The following KAZN variants were observed in gnomAD, a reference collection of about 807,000 sequenced individuals.
KAZN encodes the protein kazrin.
A neutral mutation model predicts 87.4 loss-of-function variants in KAZN; 40 were observed. The observed-to-expected ratio is 0.46, with a 90% CI of 0.36 to 0.60. The LOEUF (loss-of-function observed/expected upper bound fraction) is 0.60, where lower values mean the gene tolerates loss of function less well. Ranked by LOEUF, KAZN falls within the 20% of genes least tolerant of loss-of-function variation. The pLI is 0.00. For missense variants in KAZN, 898 were observed against 1,073.9 expected (o/e 0.84, Z 2.29); for synonymous variants, 466 against 458.3 (o/e 1.02, Z -0.22).
At chr1:15,102,615 G>C (rs1641116226) in intron 11 of KAZN, among the ~76,000 whole-genome samples, 1 of 152,126 alleles carries the variant, frequency 6.6e-6, no homozygotes, top group Admixed American at 6.5e-5. Context: ...ACAGAAGAGG[G>C]GGCCATCCAG....
At chr1:15,041,761 A>C (rs1573152678) in intron 3 of KAZN, among the ~76,000 whole-genome samples, 2 of 148,262 alleles carry the variant, frequency 1.3e-5, no homozygotes, top group African/African-American at 2.5e-5. Context: ...AATTCCCACC[A>C]CCCCCAACCC....
intron 2 of KAZN, among the ~76,000 whole-genome samples, chr1:14,471,756 G>A (rs1267737586): frequency 6.6e-6 from 1 of 152,182 alleles, no homozygotes; most frequent in Non-Finnish European, 1.5e-5. Flanking sequence ...TAGGAAGAGA[G>A]AGCTAGGAGG....
At chr1:14,274,388 C>T (rs566217833) in intron 2 of KAZN, among the ~76,000 whole-genome samples, 79 of 152,234 alleles carry the variant, frequency 5.2e-4, no homozygotes, top group African/African-American at 1.6e-3. Context: ...CACCATGTTT[C>T]GCATGCAAAG....
At chr1:14,880,802 TG>T (rs1653258271) in intron 1 of KAZN, among the ~76,000 whole-genome samples, 1 of 152,168 alleles carries the variant, frequency 6.6e-6, no homozygotes, top group African/African-American at 2.4e-5. Context: ...AACCAGAAAC[TG>T]CAGGCCTTTG....
intron 1 of KAZN, among the ~76,000 whole-genome samples, chr1:14,110,477 C>T (rs911601169): frequency 6.6e-6 from 1 of 152,228 alleles, no homozygotes; most frequent in Non-Finnish European, 1.5e-5. Context: ...GGGTGTGACC[C>T]ATACAACTTA....
intron 1 of KAZN, among the ~76,000 whole-genome samples, chr1:14,772,325 A>C (rs756550528): frequency 2.0e-5 from 3 of 152,218 alleles, no homozygotes; most frequent in Non-Finnish European, 4.4e-5. Flanking sequence ...CTCTATAAAA[A>C]ATTTAACAAT....
At chr1:14,798,530 G>C (rs1038911101) in intron 1 of KAZN, among the ~76,000 whole-genome samples, 11 of 127,924 alleles carry the variant, frequency 8.6e-5, no homozygotes, top group Admixed American at 8.4e-4. Context: ...CACTTCCCAG[G>C]TTCACGCCAT....
chr1:14,901,579 CA>C (rs1655914593), intron 1 of KAZN, among the ~76,000 whole-genome samples: 1 of 152,110 alleles, frequency 6.6e-6, no homozygotes, highest in Non-Finnish European at 1.5e-5. Context: ...TGTGATCGTC[CA>C]GGGGAGAGAT....
At chr1:13,920,192 G>A (rs1052296332) in intron 1 of KAZN, among the ~76,000 whole-genome samples, 11 of 147,352 alleles carry the variant, frequency 7.5e-5, no homozygotes, top group Non-Finnish European at 1.3e-4. Flanking sequence ...GGAGGTTGCA[G>A]TGAGCTGAGA....
chr1:14,231,913 C>T (rs1293961011), intron 2 of KAZN, among the ~76,000 whole-genome samples: 3 of 152,158 alleles, frequency 2.0e-5, no homozygotes, highest in African/African-American at 7.2e-5. Context: ...CCTGGAGATA[C>T]TACAGTCTTC....
chr1:14,147,548 C>T (rs1645378782), intron 1 of KAZN, among the ~76,000 whole-genome samples: 1 of 152,166 alleles, frequency 6.6e-6, no homozygotes, highest in African/African-American at 2.4e-5. Flanking sequence ...AATCCCAGCA[C>T]TTTGGGAGGC....
At chr1:14,432,137 GC>G (rs1666108533) in intron 2 of KAZN, among the ~76,000 whole-genome samples, 1 of 152,162 alleles carries the variant, frequency 6.6e-6, no homozygotes, top group African/African-American at 2.4e-5. Flanking sequence ...CCTACTAGCA[GC>G]AGGGAGTGAT....
At chr1:15,072,158 C>G (rs1254290838) in intron 8 of KAZN, among the ~76,000 whole-genome samples, 1 of 152,162 alleles carries the variant, frequency 6.6e-6, no homozygotes, top group African/African-American at 2.4e-5. Context: ...GGTGTAATTA[C>G]CCTCCCCTCC....
chr1:14,887,667 T>G (rs1176063284), intron 1 of KAZN, among the ~76,000 whole-genome samples: 2 of 93,014 alleles, frequency 2.2e-5, no homozygotes, highest in Admixed American at 1.3e-4. Context: ...GTCGTGGTAG[T>G]TTTTTTTTTT....
chr1:14,693,327 A>C (rs1262789818), intron 1 of KAZN, among the ~76,000 whole-genome samples: 1 of 152,182 alleles, frequency 6.6e-6, no homozygotes, highest in East Asian at 1.9e-4. Context: ...AATTAATTGT[A>C]TCTTCCCACC....
intron 1 of KAZN, among the ~76,000 whole-genome samples, chr1:14,682,666 A>G (rs966533954): frequency 1.3e-5 from 2 of 151,048 alleles, no homozygotes; most frequent in Non-Finnish European, 3.0e-5. Context: ...TTTTTAATGG[A>G]AAAAAAAATG....
At chr1:14,924,841 G>A (rs1295826494) in intron 1 of KAZN, among the ~76,000 whole-genome samples, 1 of 152,146 alleles carries the variant, frequency 6.6e-6, no homozygotes, top group Non-Finnish European at 1.5e-5. Flanking sequence ...CGCGGCGCCT[G>A]GAGACCCAGC....
At chr1:14,506,121 A>G (rs1019487803) in intron 2 of KAZN, among the ~76,000 whole-genome samples, 1 of 152,194 alleles carries the variant, frequency 6.6e-6, no homozygotes, top group African/African-American at 2.4e-5. Flanking sequence ...ATAAAAAGTG[A>G]CCTAGAGGGT....
intron 1 of KAZN, among the ~76,000 whole-genome samples, chr1:14,733,059 T>A (rs1457374501): frequency 6.6e-6 from 1 of 152,032 alleles, no homozygotes; most frequent in East Asian, 1.9e-4. Context: ...CCCTGGGTGG[T>A]TCAGACATGA....
Sources: allele counts gnomAD v4.1 joint callset (sites outside exome capture counted in the v4.1 genomes callset), GRCh38; gene constraint gnomAD v4.1.1; transcripts MANE v1.5; gene names NCBI Gene and HGNC (gene_info 2026-07-23, HGNC 2026-07-21).